Variants in CELF4 observed in about 807,000 individuals in gnomAD.
CELF4 encodes CUG-BP- and ETR-3-like factor 4.
A neutral mutation model predicts 59.9 loss-of-function variants in CELF4; 18 were observed. The observed-to-expected ratio is 0.30, with a 90% confidence interval of 0.21 to 0.45. The LOEUF (loss-of-function observed/expected upper bound fraction) is 0.45. Ranked by LOEUF, CELF4 falls within the 20% of genes least tolerant of loss-of-function variation. CELF4 has a pLI of 1.00. For synonymous variants in CELF4, 261 were observed against 267.1 expected (o/e 0.98, Z 0.22); for missense variants, 456 against 689.0 (o/e 0.66, Z 3.79).
chr18:37,310,102 T>G (rs951139242), intron 3 of CELF4, among the ~76,000 whole-genome samples: 2 of 152,008 alleles, frequency 1.3e-5, no homozygotes, highest in Non-Finnish European at 2.9e-5. Flanking sequence ...AAATGACAAC[T>G]TCAACAGCTG....
intron 3 of CELF4, among the ~76,000 whole-genome samples, chr18:37,286,912 C>T (rs544053199): frequency 9.2e-5 from 14 of 152,292 alleles, no homozygotes; most frequent in South Asian, 2.1e-4. Flanking sequence ...CTGGCCTCCC[C>T]GCGAGACCCA....
At chr18:37,495,028 C>T (rs773620649) in intron 1 of CELF4, among the ~76,000 whole-genome samples, 18 of 152,210 alleles carry the variant, frequency 1.2e-4, no homozygotes, top group Admixed American at 1.1e-3. Flanking sequence ...AGGTCTCTAG[C>T]TGAGCATCAA....
At chr18:37,251,693 A>G (rs954596724) in intron 12 of CELF4, among the ~76,000 whole-genome samples, 1 of 152,104 alleles carries the variant, frequency 6.6e-6, no homozygotes. Flanking sequence ...TATACAGAAA[A>G]AGCTGCTTTC....
At position 37,471,672 on chromosome 18, in the gene CELF4, C is replaced by T. The variant is rs1603642034; in HGVS notation, c.369+13853G>A. Among the ~76,000 whole-genome samples the T allele has an allele frequency of 3.3e-5, 5 of 152,250 alleles. No homozygotes were observed. The South Asian group carries it at 1.0e-3, about 32-fold the overall frequency. On this transcript the variant is annotated intron_variant, in intron 2 of 12. Transcript: ENST00000420428. ...CAGTCTGGAGTCTCGATCCATTGTC[C>T]TCTAATTGCTTGGCATGTACATCTT...
chr18:37,413,530 C>G (rs2099494036), intron 2 of CELF4, among the ~76,000 whole-genome samples: 1 of 152,208 alleles, frequency 6.6e-6, no homozygotes, highest in Non-Finnish European at 1.5e-5. Flanking sequence ...TCCATGCCCT[C>G]CACTCCTGTG....
At chr18:37,430,224 A>G (rs1460989240) in intron 2 of CELF4, among the ~76,000 whole-genome samples, 1 of 152,168 alleles carries the variant, frequency 6.6e-6, no homozygotes, top group Non-Finnish European at 1.5e-5. Flanking sequence ...GCAGCTGAGC[A>G]CGGACTGGGG....
rs58015103 is a variant in CELF4, at chr18:37,497,651, CA to C, written c.287-12045del. ...TCGATGACAGAACGAGACTCTGTCT[CA>C]AAAAAAAAAAAAAAGAAAAAAGAAA... On this transcript the variant is annotated intron_variant, in intron 1 of 12. Transcript: ENST00000420428. Among the ~76,000 whole-genome samples the C allele has an allele frequency of 6.9e-3, 819 of 118,212 alleles. 7 individuals carry two copies. The highest frequency in any genetic ancestry group is 0.02 in the African/African-American group (629 of 31,010). 77.6% of individuals were successfully genotyped at this position (118,212 alleles called of 152,430 possible). A position where few individuals can be genotyped will look rare whatever the true frequency, so the allele number is the denominator to read the frequency against.
chr18:37,525,623 C>A (rs545847404), intron 1 of CELF4, among the ~76,000 whole-genome samples: 4 of 114,880 alleles, frequency 3.5e-5, no homozygotes, highest in Non-Finnish European at 7.2e-5. Context: ...TGGGGAGGGG[C>A]GGGAAGGAAA....
chr18:37,263,171 G>A (rs927834459), intron 10 of CELF4, among the ~76,000 whole-genome samples: 2 of 152,182 alleles, frequency 1.3e-5, no homozygotes, highest in Admixed American at 6.5e-5. Context: ...TTTGCTGTGA[G>A]GACACTGAGG....
chr18:37,484,996 T>C (rs2099877757), intron 2 of CELF4, among the ~76,000 whole-genome samples: 1 of 152,140 alleles, frequency 6.6e-6, no homozygotes, highest in African/African-American at 2.4e-5. Context: ...GCCTCGATAA[T>C]AGCCATGGCT....
intron 2 of CELF4, among the ~76,000 whole-genome samples, chr18:37,367,853 C>T (rs1032046490): frequency 3.3e-5 from 5 of 152,188 alleles, no homozygotes; most frequent in Admixed American, 2.0e-4. Flanking sequence ...AACGCTGCTG[C>T]GTTGCCAAGA....
At chr18:37,486,287 C>T (rs1284282196) in intron 1 of CELF4, among the ~76,000 whole-genome samples, 2 of 152,164 alleles carry the variant, frequency 1.3e-5, no homozygotes, top group Non-Finnish European at 2.9e-5. Flanking sequence ...CCTTTAATTC[C>T]CTAGGTGACC....
At chr18:37,285,326 T>A (rs1465737393) in intron 3 of CELF4, among the ~76,000 whole-genome samples, 3 of 152,178 alleles carry the variant, frequency 2.0e-5, no homozygotes, top group South Asian at 4.1e-4. Context: ...ATGTCCTCTC[T>A]CGTCGTCACG....
intron 2 of CELF4, among the ~76,000 whole-genome samples, chr18:37,353,088 GCAC>G (rs2098481705): frequency 6.6e-6 from 1 of 151,800 alleles, no homozygotes. Context: ...GGGTGTGATG[GCAC>G]GTGCCTGCAG....
intron 1 of CELF4, among the ~76,000 whole-genome samples, chr18:37,542,317 C>T (rs1387600253): frequency 2.0e-5 from 3 of 152,352 alleles, no homozygotes; most frequent in African/African-American, 7.2e-5. Flanking sequence ...AATAAACACT[C>T]GTTATTGAGT....
At chr18:37,351,650 G>A (rs1455461604) in intron 2 of CELF4, among the ~76,000 whole-genome samples, 8 of 132,704 alleles carry the variant, frequency 6.0e-5, no homozygotes, top group South Asian at 2.3e-4. Context: ...TCACTCTATC[G>A]CCCAGGCTGG....
At chr18:37,403,590 C>T (rs1427503454) in intron 2 of CELF4, among the ~76,000 whole-genome samples, 3 of 152,120 alleles carry the variant, frequency 2.0e-5, no homozygotes, top group Admixed American at 1.3e-4. Flanking sequence ...GGCAGGGGCC[C>T]GGGTTGCTGT....
intron 1 of CELF4, among the ~76,000 whole-genome samples, chr18:37,515,336 G>A (rs745614762): frequency 7.2e-5 from 11 of 152,148 alleles, no homozygotes; most frequent in Non-Finnish European, 1.3e-4. Flanking sequence ...CCTCCTGGCT[G>A]CTCTGCAGTG....
chr18:37,556,921 A>G (rs2099984976), intron 1 of CELF4, among the ~76,000 whole-genome samples: 1 of 152,064 alleles, frequency 6.6e-6, no homozygotes, highest in Non-Finnish European at 1.5e-5. Flanking sequence ...GGTTTTGGGG[A>G]CTCTAGAGAG....
Sources: allele counts gnomAD v4.1 joint callset (sites outside exome capture counted in the v4.1 genomes callset), GRCh38; gene constraint gnomAD v4.1.1; transcripts MANE v1.5; gene names NCBI Gene and HGNC (gene_info 2026-07-23, HGNC 2026-07-21).